Variants in DIO1 observed in about 807,000 individuals in gnomAD.
DIO1 encodes the protein type I iodothyronine deiodinase.
Under a neutral mutation model 25.9 loss-of-function variants are expected in DIO1, and 17 were observed. The ratio of observed to expected loss-of-function variants is 0.66; its 90% CI spans 0.45 to 0.98. The LOEUF is 0.98. Ranked by LOEUF, DIO1 falls within the 50% of genes least tolerant of loss-of-function variation. DIO1 has a pLI of 0.00. For synonymous variants in DIO1, 115 were observed against 114.0 expected (o/e 1.01, Z -0.05); for missense variants, 270 against 310.4 (o/e 0.87, Z 0.98).
In DIO1 at chr1:53,910,058, T is replaced by G. The variant is rs564053014; in HGVS notation, c.*59T>G. 13 of 1,470,640 alleles carry G rather than the reference T, an allele frequency of 8.8e-6. 1 individual carries two copies. Among genetic ancestry groups the G allele is most frequent in the South Asian group, 5.7e-5 (5 of 88,214 alleles). 91.1% of individuals were successfully genotyped at this position (1,470,640 alleles called of 1,614,324 possible). A position where few individuals can be genotyped will look rare whatever the true frequency, so the allele number is the denominator to read the frequency against. ...GGGAGGGCTTCTCAAGGCTTAGCTCTCCCTGAGACCCAGCTGGCTTTTACC... is the reference window on the plus strand; with the variant it reads ...GGGAGGGCTTCTCAAGGCTTAGCTCGCCCTGAGACCCAGCTGGCTTTTACC... On this transcript the variant is annotated 3_prime_UTR_variant, in exon 4 of 4. Coordinates refer to ENST00000361921, the MANE Select transcript of DIO1 (RefSeq NM_000792.7).
intron 2 of DIO1, 105 bp downstream of exon 2, chr1:53,904,914 G>A: frequency 7.6e-7 from 1 of 1,322,564 alleles, no homozygotes. Context: ...AGGAAGAGGA[G>A]GGGAGAGGGA....
Position 53,902,148 on chromosome 1 carries a change from G to A in DIO1, c.338-2518G>A, listed in dbSNP as rs552253303. Among the ~76,000 whole-genome samples, 8 of 151,682 alleles carry A rather than the reference G, an allele frequency of 5.3e-5. No individual in the cohort carries two copies. In the South Asian group the frequency reaches 1.7e-3, roughly 31 times the overall value. ...CTCCCTCCTTGGGGACTCTGTGTGA[G>A]TCTCTTTGGCTAGAATCCCTTTCTC... On this transcript the variant is annotated intron_variant, in intron 1 of 3. Coordinates refer to ENST00000361921, the MANE Select transcript of DIO1 (RefSeq NM_000792.7).
intron 1 of DIO1, among the ~76,000 whole-genome samples, chr1:53,901,259 C>T (rs1441039223): frequency 6.6e-6 from 1 of 152,100 alleles, no homozygotes; most frequent in Non-Finnish European, 1.5e-5. Context: ...TATTACATGG[C>T]CCTACTGTAG....
At chr1:53,904,561 TA>T in intron 1 of DIO1, 104 bp from the exon 2 acceptor site, 1 of 1,350,214 alleles carries the variant, frequency 7.4e-7, no homozygotes, top group Non-Finnish European at 1.0e-6. Flanking sequence ...GGGTGGGGGG[TA>T]GGGGGAAATA....
intron 3 of DIO1, among the ~76,000 whole-genome samples, chr1:53,907,875 C>T (rs564788297): frequency 3.8e-4 from 53 of 139,036 alleles, no homozygotes; most frequent in Non-Finnish European, 6.2e-4. Flanking sequence ...CGCACCATTG[C>T]ACTCCAGCCT....
At chr1:53,905,485 T>C (rs1651609583) in intron 2 of DIO1, among the ~76,000 whole-genome samples, 1 of 152,158 alleles carries the variant, frequency 6.6e-6, no homozygotes. Context: ...TATATTTGTA[T>C]TTTTGAAAGA....
chr1:53,900,296 A>G (rs1234222237), intron 1 of DIO1, among the ~76,000 whole-genome samples: 1 of 152,096 alleles, frequency 6.6e-6, no homozygotes, highest in Non-Finnish European at 1.5e-5. Flanking sequence ...TACACCTCCC[A>G]GAGGGGCATG....
chr1:53,907,211 T>C (rs1043162598), intron 3 of DIO1, among the ~76,000 whole-genome samples: 1 of 152,192 alleles, frequency 6.6e-6, no homozygotes, highest in African/African-American at 2.4e-5. Context: ...GCTCCCTTTC[T>C]TGTGATTGCT....
At chr1:53,898,769 A>G (rs1471207811) in intron 1 of DIO1, among the ~76,000 whole-genome samples, 2 of 149,896 alleles carry the variant, frequency 1.3e-5, no homozygotes, top group East Asian at 3.9e-4. Flanking sequence ...AAAAAGAGAC[A>G]TGTTGTAACT....
chr1:53,908,362 T>C (rs772661152), intron 3 of DIO1, among the ~76,000 whole-genome samples: 5 of 152,200 alleles, frequency 3.3e-5, no homozygotes, highest in Non-Finnish European at 7.3e-5. Context: ...GCACGCCTTT[T>C]CTGTATAGGG....
At chr1:53,895,067 C>T (rs368333221) in intron 1 of DIO1, among the ~76,000 whole-genome samples, 1 of 152,328 alleles carries the variant, frequency 6.6e-6, no homozygotes, top group African/African-American at 2.4e-5. Context: ...GAGACCATTG[C>T]TCTCACCCAC....
At chr1:53,903,880 T>G (rs1046920081) in intron 1 of DIO1, among the ~76,000 whole-genome samples, 2 of 151,884 alleles carry the variant, frequency 1.3e-5, no homozygotes, top group African/African-American at 4.9e-5. Context: ...TTTAATAAAT[T>G]TAATGGCACT....
At chr1:53,897,747 G>A (rs149394303) in intron 1 of DIO1, among the ~76,000 whole-genome samples, 1,625 of 152,162 alleles carry the variant, frequency 0.011, 12 homozygotes, top group Middle Eastern at 0.027. Flanking sequence ...AGCTACTCAG[G>A]AGGCTGAGTT....
At chr1:53,897,474 TTAAAA>T (rs1030737170) in intron 1 of DIO1, among the ~76,000 whole-genome samples, 1 of 148,122 alleles carries the variant, frequency 6.8e-6, no homozygotes, top group Non-Finnish European at 1.5e-5. Context: ...AGACTCTGTC[TTAAAA>T]TAAAATAAAA....
In DIO1 at chr1:53,910,700, A is replaced by G. The variant is rs1246199389; in HGVS notation, c.*701A>G. 1 of 152,354 alleles carries G rather than the reference A, an allele frequency of 6.6e-6. No individual in the cohort carries two copies. The highest frequency in any genetic ancestry group is 6.5e-5 in the Admixed American group (1 of 15,288). 9.4% of individuals were successfully genotyped at this position (152,354 alleles called of 1,614,324 possible). A position where few individuals can be genotyped will look rare whatever the true frequency, so the allele number is the denominator to read the frequency against. ...ACTTTACCATCTTTGAATATATTTC[A>G]TAGAAATCTAGCTCTCTGTACCCTG... On this transcript the variant is annotated 3_prime_UTR_variant, in exon 4 of 4. Coordinates refer to ENST00000361921, the MANE Select transcript of DIO1 (RefSeq NM_000792.7).
At chr1:53,907,913 G>GAAAAA (rs34264508) in intron 3 of DIO1, among the ~76,000 whole-genome samples, 1 of 46,782 alleles carries the variant, frequency 2.1e-5, no homozygotes. Context: ...CTCTGTCTCG[G>GAAAAA]AAAAAAAAAA....
intron 3 of DIO1, among the ~76,000 whole-genome samples, chr1:53,909,568 G>A (rs1043428185): frequency 6.6e-6 from 1 of 152,234 alleles, no homozygotes; most frequent in Non-Finnish European, 1.5e-5. Flanking sequence ...GAGAGGCAGA[G>A]ATGGTTCTGA....
Sources: gnomAD v4.1 joint callset for allele counts (sites outside exome capture counted in the v4.1 genomes callset) on GRCh38, gnomAD v4.1.1 for gene constraint, MANE v1.5 for transcripts, NCBI Gene and HGNC (gene_info 2026-07-23, HGNC 2026-07-21) for gene names.